PCSK5: variants seen among roughly 807,000 people sequenced by gnomAD.
The protein encoded by PCSK5 is prohormone convertase 5.
In PCSK5, 129 loss-of-function variants were observed where a neutral mutation model predicts 233.2. The observed-to-expected ratio is 0.55, with a 90% CI of 0.48 to 0.64. PCSK5 has a LOEUF of 0.64. Ranked by LOEUF, PCSK5 falls within the 30% of genes least tolerant of loss-of-function variation. The probability of loss-of-function intolerance (pLI) is 0.00; values close to 1 mark genes in which losing one functional copy is unlikely to be tolerated. For missense variants in PCSK5, 2,076 were observed against 2,430.1 expected, an observed-to-expected ratio of 0.85 and a Z score of 3.06; for synonymous variants, 825 against 879.2, an observed-to-expected ratio of 0.94 and a Z score of 1.09.
intron 24 of PCSK5, among the ~76,000 whole-genome samples, chr9:76,246,777 T>C (rs1826616863): frequency 6.6e-6 from 1 of 152,208 alleles, no homozygotes; most frequent in Admixed American, 6.5e-5. Context: ...TATGAACTGA[T>C]GGTGATTTCA....
At chr9:76,044,732 C>G (rs1227905853) in intron 5 of PCSK5, among the ~76,000 whole-genome samples, 1 of 152,064 alleles carries the variant, frequency 6.6e-6, no homozygotes, top group South Asian at 2.1e-4. Flanking sequence ...ATTTTTTCAT[C>G]CTGTTACTCC....
chr9:76,238,152 C>T (rs957257563), intron 22 of PCSK5, among the ~76,000 whole-genome samples: 1 of 152,126 alleles, frequency 6.6e-6, no homozygotes, highest in Non-Finnish European at 1.5e-5. Context: ...ACAAAAACTC[C>T]GGGAGGGTGG....
chr9:76,237,128 T>C (rs1826275406), intron 22 of PCSK5, among the ~76,000 whole-genome samples: 1 of 152,112 alleles, frequency 6.6e-6, no homozygotes. Flanking sequence ...GGAAGTGGCA[T>C]TTGCAACGGT....
intron 11 of PCSK5, among the ~76,000 whole-genome samples, chr9:76,158,337 C>G (rs1305500199): frequency 2.0e-5 from 3 of 152,130 alleles, no homozygotes; most frequent in African/African-American, 7.2e-5. Context: ...GCAACAACAA[C>G]AAAAGTACTT....
chr9:76,097,456 G>T (rs1379168319), intron 8 of PCSK5, among the ~76,000 whole-genome samples: 3 of 152,044 alleles, frequency 2.0e-5, no homozygotes, highest in African/African-American at 4.8e-5. Context: ...AGAGACGGGG[G>T]TGCATTTCTT....
chr9:75,988,355 C>T (rs1266994735), intron 3 of PCSK5, among the ~76,000 whole-genome samples: 2 of 151,178 alleles, frequency 1.3e-5, no homozygotes, highest in Non-Finnish European at 2.9e-5. Context: ...GGTCTCAGCT[C>T]ACTGCAGCCT....
intron 34 of PCSK5, among the ~76,000 whole-genome samples, chr9:76,337,379 G>A (rs1829707624): frequency 6.6e-6 from 1 of 151,894 alleles, no homozygotes; most frequent in Admixed American, 6.6e-5. Flanking sequence ...CATGTTGATT[G>A]ACCAGGCTGG....
intron 20 of PCSK5, among the ~76,000 whole-genome samples, chr9:76,219,614 A>G (rs1226525480): frequency 1.3e-5 from 2 of 152,150 alleles, no homozygotes; most frequent in Non-Finnish European, 2.9e-5. Flanking sequence ...TGCCATCTTC[A>G]TCACTCCAAA....
intron 34 of PCSK5, among the ~76,000 whole-genome samples, chr9:76,337,092 T>C (rs1204596777): frequency 6.9e-6 from 1 of 144,020 alleles, no homozygotes; most frequent in Non-Finnish European, 1.5e-5. Context: ...GATATCACAC[T>C]TGTCACCTCC....
intron 7 of PCSK5, among the ~76,000 whole-genome samples, chr9:76,075,348 G>A (rs568529839): frequency 3.0e-4 from 45 of 151,966 alleles, no homozygotes; most frequent in Non-Finnish European, 6.0e-4. Context: ...CTTTAAAAGC[G>A]TATCTTCAAT....
chr9:76,257,001 G>A (rs1461626490), intron 24 of PCSK5, among the ~76,000 whole-genome samples: 1 of 152,208 alleles, frequency 6.6e-6, no homozygotes, highest in Non-Finnish European at 1.5e-5. Flanking sequence ...TCAAGAGAGA[G>A]GAACCAAGAG....
intron 5 of PCSK5, among the ~76,000 whole-genome samples, chr9:76,029,967 T>C (rs780577489): frequency 2.6e-5 from 4 of 152,196 alleles, no homozygotes; most frequent in Non-Finnish European, 5.9e-5. Flanking sequence ...CAAACAATTA[T>C]ATTGCCATAA....
At chr9:76,186,441 C>T (rs1449831781) in intron 17 of PCSK5, among the ~76,000 whole-genome samples, 2 of 152,128 alleles carry the variant, frequency 1.3e-5, no homozygotes, top group Non-Finnish European at 2.9e-5. Context: ...ATACTATAGC[C>T]ACCTTTCGAG....
intron 9 of PCSK5, among the ~76,000 whole-genome samples, chr9:76,129,143 G>A (rs914894155): frequency 6.6e-6 from 1 of 152,092 alleles, no homozygotes; most frequent in Non-Finnish European, 1.5e-5. Context: ...CTTCATCTTT[G>A]TGTCTCCAGC....
chr9:75,908,929 A>ATCTATC (rs1445286663), intron 1 of PCSK5, among the ~76,000 whole-genome samples: 2 of 101,854 alleles, frequency 2.0e-5, no homozygotes, highest in African/African-American at 7.1e-5. Flanking sequence ...CTATCTCTCT[A>ATCTATC]TCTCTCTCTC....
At chr9:76,192,995 T>C (rs555066760) in intron 20 of PCSK5, among the ~76,000 whole-genome samples, 123 of 151,738 alleles carry the variant, frequency 8.1e-4, no homozygotes, top group African/African-American at 2.8e-3. Flanking sequence ...TTTTTTTTTT[T>C]CACAAATGGA....
intron 32 of PCSK5, among the ~76,000 whole-genome samples, chr9:76,324,221 C>T (rs990087397): frequency 2.0e-5 from 3 of 151,594 alleles, no homozygotes; most frequent in Admixed American, 2.0e-4. Context: ...CCATGGCGCT[C>T]GGTCCATATT....
Position 75,986,181 on chromosome 9 carries a change from A to C in PCSK5, c.347A>C (p.Tyr116Ser), listed in dbSNP as rs752692215. ...GTAAAAAAGCGGACAAAGAGGGATT[A>C]TGACTTCAGTCGTGCCCAGTCTACC... ...QVVKKRTKRD[Y>S]DFSRAQSTYF... The change falls in exon 3 of 38, where the codon TAT becomes TCT. Residue 116 changes from tyrosine to serine, a missense_variant. Tyr to Ser is a moderately radical substitution (Grantham distance 144). Around this residue, in one of 6 missense-constraint regions of PCSK5, gnomAD observed 190 missense variants for 216.3 expected, o/e 0.88. Transcript: ENST00000674117. 4 of 1,613,978 alleles carry C rather than the reference A, an allele frequency of 2.5e-6. No homozygotes were observed. The South Asian group carries it at 4.4e-5, about 18-fold the overall frequency.
chr9:75,957,444 C>T (rs1825143660), intron 2 of PCSK5, among the ~76,000 whole-genome samples: 2 of 152,084 alleles, frequency 1.3e-5, no homozygotes, highest in African/African-American at 4.8e-5. Context: ...GTGACTCTAG[C>T]TTAAATTTCC....
Sources: gnomAD v4.1 joint callset for allele counts (sites outside exome capture counted in the v4.1 genomes callset) on GRCh38, gnomAD v4.1.1 for gene constraint, gnomAD v4.1.1 regional missense constraint, MANE v1.5 for transcripts, NCBI Gene and HGNC (gene_info 2026-07-23, HGNC 2026-07-21) for gene names.